ELP2: variants seen among roughly 807,000 people sequenced by gnomAD.
ELP2 encodes the protein elongator complex protein 2.
A neutral mutation model predicts 119.2 loss-of-function variants in ELP2; 90 were observed. That is an observed-to-expected ratio of 0.75 (90% CI 0.64 to 0.90). The LOEUF is 0.90. Ranked by LOEUF, ELP2 falls within the 40% of genes least tolerant of loss-of-function variation. The pLI is 0.00. For synonymous variants in ELP2, 339 were observed against 331.0 expected (o/e 1.02, Z -0.26); for missense variants, 921 against 967.8 (o/e 0.95, Z 0.64).
In ELP2 at chr18:36,145,095, G is replaced by C. The variant is rs1412720783; in HGVS notation, c.892+61G>C. 12 of 1,316,018 alleles carry C rather than the reference G, an allele frequency of 9.1e-6. No individual in the cohort carries two copies. In the East Asian group the frequency reaches 2.1e-4, roughly 23 times the overall value. 81.5% of individuals were successfully genotyped at this position (1,316,018 alleles called of 1,614,324 possible). A position where few individuals can be genotyped will look rare whatever the true frequency, so the allele number is the denominator to read the frequency against. ...GTTAAATCTTATGGCACAGTAAGCT[G>C]ACCAAATCAAGTGGAGAATTTTTTT... On this transcript the variant is annotated intron_variant, in intron 9 of 21. Coordinates refer to ENST00000358232, the MANE Select transcript of ELP2 (RefSeq NM_018255.4).
At chr18:36,144,818 C>A in intron 8 of ELP2, 121 bp from the exon 9 acceptor site, 3 of 747,560 alleles carry the variant, frequency 4.0e-6, no homozygotes, top group Non-Finnish European at 2.3e-6. Flanking sequence ...TTTTTGAATC[C>A]CAACTATCAT....
Position 36,171,079 on chromosome 18 carries a change from A to C in ELP2, c.2243A>C (p.Lys748Thr). Residue 748 changes from lysine to threonine, a missense_variant, in exon 21 of 22, where the codon AAG (lysine) becomes ACG (threonine). Transcript: ENST00000358232. ...YVVAVGLECG[K>T]ICLYTWKKTD... Reference sequence around the variant, plus strand: ...GTTGCAGTAGGATTGGAGTGTGGAAAGATTTGCTTATATACCTGGAAAAAG... The same window carrying C: ...GTTGCAGTAGGATTGGAGTGTGGAACGATTTGCTTATATACCTGGAAAAAG... 1 of 1,614,084 alleles carries C rather than the reference A, an allele frequency of 6.2e-7. No individual in the cohort carries two copies. The highest frequency in any genetic ancestry group is 8.5e-7 in the Non-Finnish European group (1 of 1,179,916).
intron 2 of ELP2, among the ~76,000 whole-genome samples, chr18:36,134,224 G>A (rs2089747237): frequency 6.6e-6 from 1 of 152,054 alleles, no homozygotes; most frequent in African/African-American, 2.4e-5. Flanking sequence ...TAGATCAAGG[G>A]TGTCTTAGAG....
chr18:36,151,078 CT>C (rs34060952), intron 11 of ELP2, among the ~76,000 whole-genome samples: 86,903 of 139,710 alleles, frequency 0.62, 27,688 homozygotes, highest in South Asian at 0.75. Flanking sequence ...TGCCTTCCAG[CT>C]TTTTTTTTTT....
In ELP2 at chr18:36,146,056, T is replaced by C; in HGVS notation, c.993+8T>C. The stretch of plus-strand genomic sequence containing the variant: ...GGAGTTTGGCTAGAACAGGTAAAAA[T>C]GTTGGATATTTAAGGAACAGAAAAT... On this transcript the variant is annotated splice_region_variant and intron_variant, in intron 10 of 21. Transcript: ENST00000358232. The C allele has an allele frequency of 1.2e-6, 2 of 1,612,412 alleles. No homozygotes were observed. The highest frequency in any genetic ancestry group is 1.1e-5 in the South Asian group (1 of 91,048).
At chr18:36,131,015 A>G (rs567550615) in intron 1 of ELP2, among the ~76,000 whole-genome samples, 1 of 147,736 alleles carries the variant, frequency 6.8e-6, no homozygotes, top group Non-Finnish European at 1.5e-5. Context: ...CAAAAAGTTT[A>G]AAAAAAAAAA....
chr18:36,130,720 A>G (rs1302415693), intron 1 of ELP2, among the ~76,000 whole-genome samples: 1 of 152,230 alleles, frequency 6.6e-6, no homozygotes, highest in Non-Finnish European at 1.5e-5. Context: ...GGAATTCATT[A>G]TAACTCCATT....
chr18:36,145,125 T>C, intron 9 of ELP2, 91 bp downstream of exon 9: 1 of 958,846 alleles, frequency 1.0e-6, no homozygotes, highest in Non-Finnish European at 1.7e-6. Context: ...TTTTTTACTG[T>C]GATTAGAAAT....
chr18:36,153,750 A>T (rs1451136451), intron 11 of ELP2, among the ~76,000 whole-genome samples: 1 of 152,070 alleles, frequency 6.6e-6, no homozygotes, highest in African/African-American at 2.4e-5. Flanking sequence ...GGTTTATGGT[A>T]TTGAAAGTGA....
At chr18:36,133,402 A>G (rs2089706560) in intron 2 of ELP2, 86 bp downstream of exon 2, 1 of 899,982 alleles carries the variant, frequency 1.1e-6, no homozygotes, top group Non-Finnish European at 1.9e-6. Context: ...ACTTCTCTTA[A>G]TTTAGCATTA....
chr18:36,145,709 T>C (rs1291221249), intron 9 of ELP2, among the ~76,000 whole-genome samples: 2 of 152,242 alleles, frequency 1.3e-5, no homozygotes, highest in African/African-American at 4.8e-5. Context: ...TCCACATTGA[T>C]TTGTGAAGCT....
chr18:36,139,539 C>T (rs1450728385), intron 5 of ELP2: 1 of 1,535,564 alleles, frequency 6.5e-7, no homozygotes, highest in Non-Finnish European at 8.7e-7. Context: ...CTGTGCAAGG[C>T]TCTGTGGAAG....
chr18:36,155,174 A>G (rs1479320803), intron 12 of ELP2, among the ~76,000 whole-genome samples, 175 bp downstream of exon 12: 1 of 148,494 alleles, frequency 6.7e-6, no homozygotes, highest in South Asian at 2.2e-4. Context: ...CACCACACCC[A>G]TCTTCTTTTT....
chr18:36,143,006 G>T (rs750602594), intron 8 of ELP2, 40 bp downstream of exon 8: 1 of 1,472,862 alleles, frequency 6.8e-7, no homozygotes, highest in African/African-American at 1.4e-5. Context: ...CGATACTTAG[G>T]TCTCCTAGTT....
chr18:36,144,743 A>G (rs913713100), intron 8 of ELP2, among the ~76,000 whole-genome samples, 196 bp from the exon 9 acceptor site: 1 of 152,246 alleles, frequency 6.6e-6, no homozygotes, highest in African/African-American at 2.4e-5. Context: ...GGAAAAATGT[A>G]TAACTTTTTC....
At position 36,141,148 on chromosome 18, in the gene ELP2, G is replaced by C. The variant is rs751394059; in HGVS notation, c.535G>C (p.Ala179Pro). Residue 179 changes from alanine to proline, a missense_variant, in exon 6 of 22, where the codon GCA (alanine) becomes CCA (proline). Ala to Pro is a conservative substitution (Grantham distance 27). Coordinates refer to ENST00000358232, the MANE Select transcript of ELP2 (RefSeq NM_018255.4). ...FLPNTDVPIL[A>P]CGNDDCRIHI... ...TTTTCTTCCCCCAGTACCAATATTA[G>C]CATGTGGCAATGATGATTGCAGAAT... 1 of 1,613,582 alleles carries C rather than the reference G, an allele frequency of 6.2e-7. No individual in the cohort carries two copies. The highest frequency in any genetic ancestry group is 1.7e-5 in the Admixed American group (1 of 60,002).
In ELP2 at chr18:36,174,595, A is replaced by G; in HGVS notation, c.2435A>G (p.Glu812Gly). 1.2e-6 allele frequency: 2 copies of G among 1,614,210 alleles called. No homozygotes were observed. Among genetic ancestry groups the G allele is most frequent in the Non-Finnish European group, 1.7e-6 (2 of 1,180,024 alleles). Residue 812 changes from glutamate (E) to glycine (G), a missense_variant, in exon 22 of 22, where the codon GAA (glutamate) becomes GGA (glycine). Transcript: ENST00000358232. ...AEWLHFASCGEDHTVKIHRVN... is the reference protein window; with the variant it reads ...AEWLHFASCGGDHTVKIHRVN... ...TGGTTACACTTTGCAAGCTGTGGTG[A>G]AGATCACACTGTGAAGATACACAGA...
rs373989070 is a variant in ELP2, at chr18:36,142,883, T to C, written c.713T>C (p.Leu238Pro). ...GATTGCCTGATAAGAATATGGAAGC[T>C]GTATATAAAGTCAACATCTTTAGAA... ...SQDCLIRIWK[L>P]YIKSTSLETQ... Residue 238 changes from leucine to proline, a missense_variant, in exon 8 of 22, where the codon CTG (leucine) becomes CCG (proline). Transcript: ENST00000358232. The C allele has an allele frequency of 6.9e-6, 11 of 1,605,224 alleles. No individual in the cohort carries two copies. In the African/African-American group the frequency reaches 1.1e-4, roughly 16 times the overall value.
At chr18:36,146,198 TG>T (rs1227537849) in intron 10 of ELP2, 51 bp from the exon 11 acceptor site, 6 of 1,611,376 alleles carry the variant, frequency 3.7e-6, no homozygotes, top group Non-Finnish European at 5.1e-6. Context: ...ATTTCTGTTG[TG>T]AGAAACATAG....
Sources: gnomAD v4.1 joint callset for allele counts (sites outside exome capture counted in the v4.1 genomes callset) on GRCh38, gnomAD v4.1.1 for gene constraint, MANE v1.5 for transcripts, NCBI Gene and HGNC (gene_info 2026-07-23, HGNC 2026-07-21) for gene names.